TACR1: variants seen among roughly 807,000 people sequenced by gnomAD.
The protein encoded by TACR1 is tachykinin receptor 1.
In TACR1, 25 loss-of-function variants were observed where a neutral mutation model predicts 35.8. The ratio of observed to expected loss-of-function variants is 0.70; its 90% CI spans 0.51 to 0.98. TACR1 has a LOEUF of 0.98. Ranked by LOEUF, TACR1 falls within the 50% of genes least tolerant of loss-of-function variation. The probability of loss-of-function intolerance (pLI) is 0.00; values close to 1 mark genes in which losing one functional copy is unlikely to be tolerated. For synonymous variants in TACR1, 195 were observed against 206.7 expected, an observed-to-expected ratio of 0.94 and a Z score of 0.48; for missense variants, 478 against 522.9, an observed-to-expected ratio of 0.91 and a Z score of 0.84.
At chr2:75,070,219 A>ATGTGTGTGTGTGTATGTGTG (rs1368534753) in intron 2 of TACR1, among the ~76,000 whole-genome samples, 4 of 89,154 alleles carry the variant, frequency 4.5e-5, no homozygotes, top group African/African-American at 1.4e-4. Context: ...CATTGTATGT[A>ATGTGTGTGTGTGTATGTGTG]TGTGTGTGTG....
At chr2:75,155,944 A>T (rs1270759480) in intron 1 of TACR1, among the ~76,000 whole-genome samples, 1 of 152,272 alleles carries the variant, frequency 6.6e-6, no homozygotes, top group Non-Finnish European at 1.5e-5. Context: ...CTTCTGAGTG[A>T]AGAACAATTT....
In TACR1 at chr2:75,172,215, A is replaced by G. The variant is rs1393129830; in HGVS notation, c.389+26331T>C. Among the ~76,000 whole-genome samples the G allele has an allele frequency of 2.0e-5, 3 of 152,320 alleles. No homozygotes were observed. In the East Asian group the frequency reaches 5.8e-4, roughly 29 times the overall value. Reference sequence around the variant, plus strand: ...TGGAGAACCAGCCAAACTGGGTTTGACAAACAGGGGCCATTGAACATTTGA... The same window carrying G: ...TGGAGAACCAGCCAAACTGGGTTTGGCAAACAGGGGCCATTGAACATTTGA... On this transcript the variant is annotated intron_variant, in intron 1 of 4. Coordinates refer to ENST00000305249, the MANE Select transcript of TACR1 (RefSeq NM_001058.4).
chr2:75,169,649 G>A (rs575086657), intron 1 of TACR1, among the ~76,000 whole-genome samples: 22 of 152,220 alleles, frequency 1.4e-4, no homozygotes, highest in Admixed American at 2.6e-4. Flanking sequence ...ATATTAATGG[G>A]TATAGATTTT....
intron 1 of TACR1, among the ~76,000 whole-genome samples, chr2:75,193,290 C>G (rs1337665517): frequency 6.6e-6 from 1 of 152,206 alleles, no homozygotes; most frequent in Non-Finnish European, 1.5e-5. Flanking sequence ...ATATGGCACA[C>G]AGTAAGTGCT....
chr2:75,146,939 C>T (rs149550142), intron 1 of TACR1, among the ~76,000 whole-genome samples: 1,634 of 152,314 alleles, frequency 0.011, 16 homozygotes, highest in South Asian at 0.022. Flanking sequence ...CCCAGTGTTT[C>T]ATTCCAGGAT....
At chr2:75,180,907 T>TG (rs1192075795) in intron 1 of TACR1, among the ~76,000 whole-genome samples, 1 of 152,216 alleles carries the variant, frequency 6.6e-6, no homozygotes, top group Non-Finnish European at 1.5e-5. Context: ...ATTTCTACAG[T>TG]GGATATTGCA....
At chr2:75,101,208 C>A (rs1558553307) in intron 2 of TACR1, among the ~76,000 whole-genome samples, 1 of 151,950 alleles carries the variant, frequency 6.6e-6, no homozygotes, top group Non-Finnish European at 1.5e-5. Context: ...CTCAGCAATC[C>A]TAGCTTCTAA....
chr2:75,159,186 A>G (rs1195086315), intron 1 of TACR1, among the ~76,000 whole-genome samples: 1 of 152,062 alleles, frequency 6.6e-6, no homozygotes, highest in African/African-American at 2.4e-5. Context: ...AAAGGTTCAG[A>G]AAGTATATCC....
At position 75,198,893 on chromosome 2, in the gene TACR1, G is replaced by A. The variant is rs1415025501; in HGVS notation, c.42C>T (p.Asn14=). The A allele has an allele frequency of 6.2e-7, 1 of 1,613,978 alleles. No homozygotes were observed. The highest frequency in any genetic ancestry group is 8.5e-7 in the Non-Finnish European group (1 of 1,180,042). Reference sequence around the variant, plus strand: ...TGGGTTCCGAGGTGTTAGTGGAGATGTTTGGGGAGAGGTCTGAGTCCACCG... The same window carrying A: ...TGGGTTCCGAGGTGTTAGTGGAGATATTTGGGGAGAGGTCTGAGTCCACCG... ...VLPVDSDLSP[N]ISTNTSEPNQ... The change falls in exon 1 of 5, where the codon AAC becomes AAT. Residue 14 remains asparagine (N), a synonymous_variant. Transcript: ENST00000305249.
chr2:75,105,943 C>T (rs1003496001), intron 2 of TACR1, among the ~76,000 whole-genome samples: 3 of 151,784 alleles, frequency 2.0e-5, no homozygotes, highest in East Asian at 3.9e-4. Flanking sequence ...TGTAATGTGG[C>T]GTCCCGGATG....
rs199510054 is a variant in TACR1 at position 75,198,583 on chromosome 2, C to A, written c.352G>T (p.Ala118Ser). ...HNFFPIAAVF[A>S]SIYSMTAVAF... Reference sequence around the variant, plus strand: ...ACAGCCGTCATGGAGTAGATACTGGCGAAGACAGCGGCGATGGGAAAGAAG... The same window carrying A: ...ACAGCCGTCATGGAGTAGATACTGGAGAAGACAGCGGCGATGGGAAAGAAG... The change falls in exon 1 of 5, where the codon GCC (alanine) becomes TCC (serine). Residue 118 changes from alanine to serine, a missense_variant. Coordinates refer to ENST00000305249, the MANE Select transcript of TACR1 (RefSeq NM_001058.4). 7.4e-6 allele frequency: 12 copies of A among 1,614,116 alleles called. No homozygotes were observed. The highest frequency in any genetic ancestry group is 6.7e-5 in the African/African-American group (5 of 75,022).
chr2:75,086,081 T>C (rs1054482944), intron 2 of TACR1, among the ~76,000 whole-genome samples: 1 of 152,220 alleles, frequency 6.6e-6, no homozygotes, highest in South Asian at 2.1e-4. Context: ...GAAACTGGGC[T>C]GTAACAAGGT....
chr2:75,065,655 T>C (rs1028211194), intron 2 of TACR1, among the ~76,000 whole-genome samples: 19 of 152,292 alleles, frequency 1.2e-4, no homozygotes, highest in African/African-American at 4.6e-4. Context: ...ATTGGATACA[T>C]GCAGAAGTGA....
intron 2 of TACR1, among the ~76,000 whole-genome samples, chr2:75,076,109 T>C (rs1048039416): frequency 3.3e-5 from 5 of 152,246 alleles, no homozygotes; most frequent in African/African-American, 7.2e-5. Context: ...TACTGGACTT[T>C]AAGCAAGTCT....
rs1675688762 is a variant in TACR1 at position 75,186,113 on chromosome 2, C to T, written c.389+12433G>A. On this transcript the variant is annotated intron_variant, in intron 1 of 4. Transcript: ENST00000305249. Reference sequence around the variant, plus strand: ...CTTGGGCCAGGCACTGTGGCTCACGCCTGTAATCCCAGCACTTTGGGAGGC... The same window carrying T: ...CTTGGGCCAGGCACTGTGGCTCACGTCTGTAATCCCAGCACTTTGGGAGGC... Among the ~76,000 whole-genome samples the T allele has an allele frequency of 2.0e-5, 3 of 152,058 alleles. No individual in the cohort carries two copies. The South Asian group carries it at 6.2e-4, about 32-fold the overall frequency.
chr2:75,092,766 G>T (rs371370552), intron 2 of TACR1, among the ~76,000 whole-genome samples: 3 of 152,088 alleles, frequency 2.0e-5, no homozygotes, highest in African/African-American at 7.2e-5. Context: ...GGGTAAGGCG[G>T]CCTCCAAAGA....
chr2:75,131,441 AG>A (rs1674176549), intron 1 of TACR1, among the ~76,000 whole-genome samples: 1 of 152,180 alleles, frequency 6.6e-6, no homozygotes, highest in Admixed American at 6.5e-5. Context: ...AGTTTTTGGA[AG>A]GTGAAATAAT....
At chr2:75,069,857 C>T (rs1391551619) in intron 2 of TACR1, among the ~76,000 whole-genome samples, 1 of 152,080 alleles carries the variant, frequency 6.6e-6, no homozygotes, top group African/African-American at 2.4e-5. Flanking sequence ...TGCTTGATCT[C>T]CAGGCTGAGA....
At chr2:75,183,513 C>G (rs935569661) in intron 1 of TACR1, among the ~76,000 whole-genome samples, 1 of 152,194 alleles carries the variant, frequency 6.6e-6, no homozygotes, top group African/African-American at 2.4e-5. Context: ...CTGTGCTTAT[C>G]TGTTACGTTT....
Sources: allele counts gnomAD v4.1 joint callset (sites outside exome capture counted in the v4.1 genomes callset), GRCh38; gene constraint gnomAD v4.1.1; transcripts MANE v1.5; gene names NCBI Gene and HGNC (gene_info 2026-07-23, HGNC 2026-07-21).